The following CALN1 variants were observed in gnomAD, a reference collection of about 807,000 sequenced individuals.
CALN1 encodes calneuron 1.
CALN1 carries 17 observed loss-of-function variants against 30.6 expected under a neutral mutation model. The ratio of observed to expected loss-of-function variants is 0.56; its 90% CI spans 0.38 to 0.83. The LOEUF (loss-of-function observed/expected upper bound fraction) is 0.83. Ranked by LOEUF, CALN1 falls within the 40% of genes least tolerant of loss-of-function variation. The pLI, the probability that CALN1 is intolerant of heterozygous loss-of-function variation, is 0.00. For synonymous variants in CALN1, 156 were observed against 131.4 expected, an observed-to-expected ratio of 1.19 and a Z score of -1.28; for missense variants, 291 against 354.9, an observed-to-expected ratio of 0.82 and a Z score of 1.45.
intron 2 of CALN1, among the ~76,000 whole-genome samples, chr7:72,332,990 A>G (rs1290183257): frequency 1.3e-5 from 2 of 152,120 alleles, no homozygotes; most frequent in African/African-American, 4.8e-5. Context: ...GGTCCTGACT[A>G]AAGGCCCCCA....
intron 4 of CALN1, among the ~76,000 whole-genome samples, chr7:72,059,311 A>T (rs1175390860): frequency 6.6e-6 from 1 of 152,198 alleles, no homozygotes; most frequent in Non-Finnish European, 1.5e-5. Flanking sequence ...TAGGGATGGT[A>T]TATTAAAGGA....
chr7:72,331,517 G>A (rs927495507), intron 2 of CALN1, among the ~76,000 whole-genome samples: 4 of 152,180 alleles, frequency 2.6e-5, no homozygotes, highest in East Asian at 1.9e-4. Context: ...TAACAATAAC[G>A]GAGGACAGGT....
intron 2 of CALN1, among the ~76,000 whole-genome samples, chr7:72,301,044 T>C (rs1799223570): frequency 1.3e-5 from 2 of 151,910 alleles, no homozygotes; most frequent in Admixed American, 1.3e-4. Context: ...GGAAAGACCA[T>C]CATTGGCCCA....
chr7:72,374,586 A>C (rs992128757), intron 2 of CALN1, among the ~76,000 whole-genome samples: 4 of 151,866 alleles, frequency 2.6e-5, no homozygotes, highest in African/African-American at 7.3e-5. Context: ...CTAGAAATAC[A>C]AAGGCACTTT....
At chr7:72,480,050 A>G in the CALN1 span, among the ~76,000 whole-genome samples, 1 of 152,344 alleles carries the variant, frequency 6.6e-6, no homozygotes, top group East Asian at 1.9e-4. Context: ...GAAATCAGGT[A>G]GCATTAATTT....
intron 5 of CALN1, among the ~76,000 whole-genome samples, chr7:71,866,545 G>A (rs954471555): frequency 3.3e-5 from 5 of 152,086 alleles, no homozygotes; most frequent in African/African-American, 1.2e-4. Context: ...ATTGGAAAGA[G>A]ATTTTATAAA....
intron 2 of CALN1, among the ~76,000 whole-genome samples, chr7:72,295,498 T>C (rs915646958): frequency 6.6e-6 from 1 of 151,606 alleles, no homozygotes; most frequent in Non-Finnish European, 1.5e-5. Context: ...CCCATGAGCA[T>C]GGAGTGTTCT....
the CALN1 span, among the ~76,000 whole-genome samples, chr7:72,457,004 C>CTTTTTTT: frequency 3.5e-4 from 37 of 106,584 alleles, no homozygotes; most frequent in African/African-American, 4.8e-4. Context: ...TTCTTTCTTT[C>CTTTTTTT]TTTTTTTTTT....
chr7:71,784,652 T>C lies in CALN1; in HGVS notation c.*3123A>G. On this transcript the variant is annotated 3_prime_UTR_variant, in exon 7 of 7. Coordinates refer to ENST00000395275, the MANE Select transcript of CALN1 (RefSeq NM_031468.4). ...TGCTTTCCAGGGGGGCGGCGGGGGG[T>C]ACCTGCTCTTGCAGCAAGAATGAGC... is the stretch of plus-strand genomic sequence containing the variant. 1 of 395,680 alleles carries C rather than the reference T, an allele frequency of 2.5e-6. No homozygotes were observed. Among genetic ancestry groups the C allele is most frequent in the Non-Finnish European group, 4.4e-6 (1 of 225,006 alleles). 24.5% of individuals were successfully genotyped at this position (395,680 alleles called of 1,614,324 possible).
upstream of CALN1, among the ~76,000 whole-genome samples, chr7:72,413,255 CAT>C (rs1288802781): frequency 2.6e-5 from 4 of 151,560 alleles, no homozygotes; most frequent in African/African-American, 9.7e-5. Flanking sequence ...CACATACACA[CAT>C]ATACATTCAC....
In CALN1 at chr7:72,205,551, A is replaced by AT. The variant is rs1554319582; in HGVS notation, c.244+73134_244+73135insA. 1.1e-3 allele frequency among the ~76,000 whole-genome samples: 95 copies of AT among 83,026 alleles called. 5 individuals are homozygous for AT. Among genetic ancestry groups the AT allele is most frequent in the East Asian group, 3.5e-3 (4 of 1,140 alleles). The allele number at this position is 83,026 out of a possible 152,430, so 54.5% of individuals were successfully genotyped here. The stretch of plus-strand genomic sequence containing the variant: ...ATTTTTCTCCTGATTGCAAAAAAAA[A>AT]ATATATATATATATATGTATATATA... On this transcript the variant is annotated intron_variant, in intron 3 of 6. Coordinates refer to ENST00000395275, the MANE Select transcript of CALN1 (RefSeq NM_031468.4).
chr7:72,135,875 G>A (rs575151743), intron 3 of CALN1, among the ~76,000 whole-genome samples: 20 of 152,218 alleles, frequency 1.3e-4, no homozygotes, highest in Admixed American at 5.2e-4. Flanking sequence ...GCTCATGCCT[G>A]TAATCCCAGC....
chr7:71,974,785 G>C (rs74619190), intron 5 of CALN1, among the ~76,000 whole-genome samples: 8,142 of 152,238 alleles, frequency 0.053, 517 homozygotes, highest in African/African-American at 0.16. Context: ...CTGGCACTCT[G>C]GGAAGGAAGA....
chr7:72,109,258 C>T (rs1411150104), intron 3 of CALN1, among the ~76,000 whole-genome samples: 1 of 152,148 alleles, frequency 6.6e-6, no homozygotes, highest in Non-Finnish European at 1.5e-5. Context: ...TGCACCAGGA[C>T]CCTAGGCTCC....
intron 3 of CALN1, among the ~76,000 whole-genome samples, chr7:72,128,056 G>GATA (rs1808890721): frequency 6.6e-6 from 1 of 152,068 alleles, no homozygotes; most frequent in South Asian, 2.1e-4. Context: ...CTTTGGGTAT[G>GATA]TTTGACAATA....
Position 71,789,282 on chromosome 7 carries a change from T to C in CALN1, c.659-1380A>G, listed in dbSNP as rs556171551. On this transcript the variant is annotated intron_variant, in intron 6 of 6. Transcript: ENST00000395275. ...AAATACAAAAATTAGCTGGGTATGG[T>C]GGCACATGCCTGTAATCTCAGCTAC... is the stretch of plus-strand genomic sequence containing the variant. 3.4e-3 allele frequency among the ~76,000 whole-genome samples: 513 copies of C among 152,232 alleles called. 4 individuals are homozygous for C. The highest frequency in any genetic ancestry group is 0.012 in the African/African-American group (487 of 41,566).
the CALN1 span, among the ~76,000 whole-genome samples, chr7:72,469,979 T>C: frequency 6.6e-6 from 1 of 152,120 alleles, no homozygotes; most frequent in Admixed American, 6.5e-5. Context: ...GTATAGAGCC[T>C]GCAGAGCCAG....
At chr7:71,902,822 G>A (rs1793932014) in intron 5 of CALN1, among the ~76,000 whole-genome samples, 1 of 152,042 alleles carries the variant, frequency 6.6e-6, no homozygotes, top group African/African-American at 2.4e-5. Context: ...ATGAAATAAT[G>A]TCTTTGACAG....
chr7:72,314,847 A>T, intron 2 of CALN1, among the ~76,000 whole-genome samples: 1 of 151,392 alleles, frequency 6.6e-6, no homozygotes, highest in East Asian at 1.9e-4. Flanking sequence ...TTAAAAAAAA[A>T]AAAACAAAAA....
Sources: allele counts gnomAD v4.1 joint callset (sites outside exome capture counted in the v4.1 genomes callset), GRCh38; gene constraint gnomAD v4.1.1; transcripts MANE v1.5; gene names NCBI Gene and HGNC (gene_info 2026-07-23, HGNC 2026-07-21).